GNAQ: variants seen among roughly 807,000 people sequenced by gnomAD.
GNAQ encodes the protein guanine nucleotide-binding protein G(q) subunit alpha.
GNAQ carries 8 observed loss-of-function variants against 43.9 expected under a neutral mutation model. The observed-to-expected ratio is 0.18, with a 90% CI of 0.11 to 0.33. The LOEUF (loss-of-function observed/expected upper bound fraction) is 0.33, where lower values mean the gene tolerates loss of function less well. Ranked by LOEUF, GNAQ falls within the 10% of genes least tolerant of loss-of-function variation. GNAQ has a pLI of 1.00. For synonymous variants in GNAQ, 155 were observed against 170.7 expected (o/e 0.91, Z 0.71); for missense variants, 158 against 450.8 (o/e 0.35, Z 5.88).
At chr9:77,858,744 C>A (rs1827797787) in intron 2 of GNAQ, among the ~76,000 whole-genome samples, 1 of 151,906 alleles carries the variant, frequency 6.6e-6, no homozygotes, top group East Asian at 1.9e-4. Context: ...GAATTCCATG[C>A]CCAGCCCACT....
At chr9:77,769,272 T>C (rs988260366) in intron 5 of GNAQ, among the ~76,000 whole-genome samples, 32 of 152,000 alleles carry the variant, frequency 2.1e-4, no homozygotes, top group African/African-American at 6.8e-4. Flanking sequence ...GGTGGTGGCA[T>C]GCGCCTGTAA....
intron 5 of GNAQ, among the ~76,000 whole-genome samples, chr9:77,752,691 C>T (rs544197798): frequency 6.6e-6 from 1 of 152,322 alleles, no homozygotes; most frequent in East Asian, 1.9e-4. Context: ...CACCTCAACA[C>T]TGAAGTATGT....
intron 1 of GNAQ, chr9:78,030,584 C>T: frequency 2.1e-6 from 1 of 469,086 alleles, no homozygotes; most frequent in Non-Finnish European, 4.4e-6. Context: ...CCCCATAGGG[C>T]ACTGATAATG....
intron 2 of GNAQ, among the ~76,000 whole-genome samples, chr9:77,829,194 A>G (rs907723126): frequency 6.6e-6 from 1 of 152,112 alleles, no homozygotes; most frequent in East Asian, 1.9e-4. Flanking sequence ...TATAAGAAAC[A>G]CCTTAGAGTC....
chr9:77,737,606 A>G (rs1209071422), intron 5 of GNAQ, among the ~76,000 whole-genome samples: 2 of 152,188 alleles, frequency 1.3e-5, no homozygotes, highest in Non-Finnish European at 2.9e-5. Flanking sequence ...AACGTATTCC[A>G]ACTCCTTGGG....
At position 77,776,633 on chromosome 9, in the gene GNAQ, C is replaced by T. The variant is rs185197982; in HGVS notation, c.735+17830G>A. On this transcript the variant is annotated intron_variant, in intron 5 of 6. Coordinates refer to ENST00000286548, the MANE Select transcript of GNAQ (RefSeq NM_002072.5). The stretch of plus-strand genomic sequence containing the variant: ...CTGAAAGAAGAAACAGACAATTCAA[C>T]AACAGTTTGAGACTTCAAGATTCAC... Among the ~76,000 whole-genome samples, 2 of 152,158 alleles carry T rather than the reference C, an allele frequency of 1.3e-5. 1 individual carries two copies. The highest frequency in any genetic ancestry group is 2.9e-5 in the Non-Finnish European group (2 of 68,004).
At chr9:78,030,687 ACCACCCCATG>A (rs1824041116) in intron 1 of GNAQ, 5 of 403,008 alleles carry the variant, frequency 1.2e-5, no homozygotes, top group South Asian at 7.5e-5. Context: ...TCCCCACGCC[ACCACCCCATG>A]GGGTGCCGCG....
chr9:77,771,787 G>C (rs545736825), intron 5 of GNAQ, among the ~76,000 whole-genome samples: 1 of 152,244 alleles, frequency 6.6e-6, no homozygotes, highest in African/African-American at 2.4e-5. Flanking sequence ...GTTGCATACT[G>C]AAACATACAA....
intron 2 of GNAQ, among the ~76,000 whole-genome samples, chr9:77,866,892 G>A (rs1296363951): frequency 2.0e-5 from 3 of 152,286 alleles, no homozygotes; most frequent in South Asian, 2.1e-4. Context: ...GTTAGTTAAT[G>A]TACTGTCTTT....
At chr9:77,760,657 C>A (rs1305325254) in intron 5 of GNAQ, among the ~76,000 whole-genome samples, 19 of 152,242 alleles carry the variant, frequency 1.2e-4, no homozygotes, top group African/African-American at 4.3e-4. Context: ...AGCGTCTCTG[C>A]CTGGCCACCC....
At chr9:77,993,012 T>C (rs1252814848) in intron 1 of GNAQ, among the ~76,000 whole-genome samples, 2 of 152,218 alleles carry the variant, frequency 1.3e-5, no homozygotes, top group Non-Finnish European at 2.9e-5. Flanking sequence ...TATTGTAATA[T>C]CAGAACATTC....
intron 2 of GNAQ, among the ~76,000 whole-genome samples, chr9:77,832,080 T>A (rs1349595788): frequency 8.3e-6 from 1 of 120,370 alleles, no homozygotes; most frequent in East Asian, 2.3e-4. Context: ...TTGGAGAGAT[T>A]AGAGCACTTT....
At chr9:77,797,199 AT>A (rs1166070787) in intron 4 of GNAQ, among the ~76,000 whole-genome samples, 1 of 151,964 alleles carries the variant, frequency 6.6e-6, no homozygotes, top group African/African-American at 2.4e-5. Flanking sequence ...TGCCCGGCTA[AT>A]TTTTGTATTT....
chr9:77,978,343 T>C (rs1007315166), intron 1 of GNAQ, among the ~76,000 whole-genome samples: 1 of 152,224 alleles, frequency 6.6e-6, no homozygotes, highest in Non-Finnish European at 1.5e-5. Context: ...ATTGGTTAGC[T>C]CTGTTTCCTG....
At chr9:77,894,019 G>A (rs1014957272) in intron 2 of GNAQ, among the ~76,000 whole-genome samples, 1 of 152,036 alleles carries the variant, frequency 6.6e-6, no homozygotes, top group Non-Finnish European at 1.5e-5. Context: ...GGCACTGCTT[G>A]AGGACTTCAG....
chr9:77,783,578 C>A (rs1826430718), intron 5 of GNAQ, among the ~76,000 whole-genome samples: 1 of 152,144 alleles, frequency 6.6e-6, no homozygotes, highest in African/African-American at 2.4e-5. Flanking sequence ...CCTGTGCGGG[C>A]TCCCACTGCT....
At chr9:78,008,631 T>C (rs1823736597) in intron 1 of GNAQ, among the ~76,000 whole-genome samples, 1 of 152,094 alleles carries the variant, frequency 6.6e-6, no homozygotes, top group African/African-American at 2.4e-5. Context: ...TTTTATTTTA[T>C]TTTTTGAGAC....
chr9:77,825,873 A>T (rs1827187051), intron 2 of GNAQ, among the ~76,000 whole-genome samples: 1 of 152,198 alleles, frequency 6.6e-6, no homozygotes, highest in African/African-American at 2.4e-5. Flanking sequence ...ATGCATGGGG[A>T]AGACTTGGGT....
chr9:77,876,341 T>C (rs1828123392), intron 2 of GNAQ, among the ~76,000 whole-genome samples: 1 of 152,200 alleles, frequency 6.6e-6, no homozygotes. Context: ...CTCGGTTAAC[T>C]TTCTAGCTCC....
Sources: gnomAD v4.1 joint callset for allele counts (sites outside exome capture counted in the v4.1 genomes callset) on GRCh38, gnomAD v4.1.1 for gene constraint, MANE v1.5 for transcripts, NCBI Gene and HGNC (gene_info 2026-07-23, HGNC 2026-07-21) for gene names.